Variants in OSBPL10 observed in about 807,000 individuals in gnomAD.
The protein encoded by OSBPL10 is oxysterol-binding protein-related protein 10.
Under a neutral mutation model 81.7 loss-of-function variants are expected in OSBPL10, and 49 were observed. The observed-to-expected ratio is 0.60, with a 90% CI of 0.48 to 0.76. The LOEUF is 0.76. Among genes scored for constraint, OSBPL10 ranks in the 30% least tolerant of loss-of-function variants. The pLI, the probability that OSBPL10 is intolerant of heterozygous loss-of-function variation, is 0.00. For missense variants in OSBPL10, 923 were observed against 987.8 expected (o/e 0.93, Z 0.88); for synonymous variants, 419 against 383.6 (o/e 1.09, Z -1.08).
chr3:31,894,790 T>A (rs1029843417), intron 1 of OSBPL10, among the ~76,000 whole-genome samples: 1 of 152,156 alleles, frequency 6.6e-6, no homozygotes, highest in African/African-American at 2.4e-5. Context: ...AATACCTATT[T>A]CCCTTCTCTC....
At chr3:31,699,314 C>T (rs548201393) in intron 7 of OSBPL10, among the ~76,000 whole-genome samples, 3 of 152,318 alleles carry the variant, frequency 2.0e-5, no homozygotes, top group South Asian at 4.1e-4. Context: ...CTGATCCTAA[C>T]GTCCACTCCA....
intron 2 of OSBPL10, among the ~76,000 whole-genome samples, chr3:32,027,156 T>C (rs1699423282): frequency 6.6e-6 from 1 of 152,180 alleles, no homozygotes; most frequent in Non-Finnish European, 1.5e-5. Context: ...ATTAGGTATT[T>C]GCCCTAATGC....
intron 1 of OSBPL10, among the ~76,000 whole-genome samples, chr3:31,973,807 T>C (rs1248176627): frequency 6.6e-6 from 1 of 152,240 alleles, no homozygotes; most frequent in African/African-American, 2.4e-5. Context: ...ATAGGATGGA[T>C]ACACGAGCAA....
chr3:32,039,920 T>C (rs1699555898), intron 2 of OSBPL10, among the ~76,000 whole-genome samples: 2 of 152,066 alleles, frequency 1.3e-5, no homozygotes, highest in South Asian at 4.2e-4. Flanking sequence ...GGTGTGAAAA[T>C]CCTAAATAAA....
Position 31,683,574 on chromosome 3 carries a change from C to A in OSBPL10, c.1726+60G>T, listed in dbSNP as rs1272432310. On this transcript the variant is annotated intron_variant, in intron 8 of 11. Transcript: ENST00000396556. ...CTCCACACACAAAATTATCAATCAT[C>A]TACCAGGTATAGAAACGTCACTGTG... 5 of 1,549,886 alleles carry A rather than the reference C, an allele frequency of 3.2e-6. No homozygotes were observed. The Admixed American group carries it at 9.5e-5, about 29-fold the overall frequency.
intron 2 of OSBPL10, among the ~76,000 whole-genome samples, chr3:32,025,477 T>C (rs1022947690): frequency 6.6e-6 from 1 of 152,200 alleles, no homozygotes; most frequent in Non-Finnish European, 1.5e-5. Flanking sequence ...TCTCTTCTCA[T>C]GTCATCTTTG....
intron 1 of OSBPL10, among the ~76,000 whole-genome samples, chr3:31,941,885 G>T (rs1027174324): frequency 5.3e-5 from 8 of 152,216 alleles, no homozygotes; most frequent in Admixed American, 2.0e-4. Flanking sequence ...AGTGCTATCT[G>T]ATTTGCCAGA....
At chr3:31,821,862 G>A (rs1699988428) in intron 4 of OSBPL10, among the ~76,000 whole-genome samples, 1 of 152,166 alleles carries the variant, frequency 6.6e-6, no homozygotes, top group African/African-American at 2.4e-5. Flanking sequence ...ATTTGTTAGG[G>A]TGACAGTTTA....
In OSBPL10 at chr3:32,008,764, A is replaced by G. The variant is rs1423421259; in HGVS notation, n.298+37727T>C. ...GACAGAGTGAGATCCTGACTGGAAA[A>G]AAAAAAAAAAAAAGAAGAACAAAAA... On this transcript the variant is annotated intron_variant and non_coding_transcript_variant, in intron 2 of 3. Coordinates refer to the OSBPL10 transcript ENST00000479173. 2.3e-4 allele frequency among the ~76,000 whole-genome samples: 35 copies of G among 151,182 alleles called. No homozygotes were observed. The South Asian group carries it at 7.1e-3, about 31-fold the overall frequency.
intron 1 of OSBPL10, among the ~76,000 whole-genome samples, chr3:31,943,777 C>G (rs889252443): frequency 6.6e-6 from 1 of 151,756 alleles, no homozygotes; most frequent in South Asian, 2.1e-4. Context: ...ACCAGCCTGG[C>G]CAATAGGGTG....
At position 31,918,329 on chromosome 3, in the gene OSBPL10, CT is replaced by C. The variant is rs67029884; in HGVS notation, c.282-38500del. Among the ~76,000 whole-genome samples, 1,025 of 148,276 alleles carry C rather than the reference CT, an allele frequency of 6.9e-3. 10 individuals carry two copies. Among genetic ancestry groups the C allele is most frequent in the African/African-American group, 0.016 (645 of 40,518 alleles). On this transcript the variant is annotated intron_variant, in intron 1 of 11. Transcript: ENST00000396556. ...ACACACTGGAGTTGTTTTTTCTTTT[CT>C]TTTTTTTTTTTTTAAAGAGACAGGG...
chr3:31,673,869 C>T (rs1700388133), intron 8 of OSBPL10, among the ~76,000 whole-genome samples: 1 of 152,042 alleles, frequency 6.6e-6, no homozygotes, highest in South Asian at 2.1e-4. Context: ...TCATGGCTCA[C>T]TGCAGCCTTG....
rs112468280 is a variant in OSBPL10 at position 31,761,471 on chromosome 3, CAAAAAAA to C, written c.730-13358_730-13352del. Among the ~76,000 whole-genome samples the C allele has an allele frequency of 2.9e-3, 164 of 56,050 alleles. 1 individual carries two copies. Among genetic ancestry groups the C allele is most frequent in the African/African-American group, 0.011 (158 of 15,008 alleles). The allele number at this position is 56,050 out of a possible 152,430, so 36.8% of individuals were successfully genotyped here. A position where few individuals can be genotyped will look rare whatever the true frequency, so the allele number is the denominator to read the frequency against. Reference sequence around the variant, plus strand: ...TGGGCAACAGAGTGAGACTCCATTTCAAAAAAAAAAAAAAAAAAGTTTCCATATCCAG... The same window carrying C: ...TGGGCAACAGAGTGAGACTCCATTTCAAAAAAAAAAAGTTTCCATATCCAG... On this transcript the variant is annotated intron_variant, in intron 4 of 11. Transcript: ENST00000396556.
intron 4 of OSBPL10, among the ~76,000 whole-genome samples, chr3:31,819,158 A>T (rs1197677311): frequency 6.6e-6 from 1 of 152,152 alleles, no homozygotes; most frequent in Non-Finnish European, 1.5e-5. Context: ...AAGGGGTAGG[A>T]TGGACAGGAG....
At chr3:31,796,652 G>A (rs1300946156) in intron 4 of OSBPL10, among the ~76,000 whole-genome samples, 4 of 152,132 alleles carry the variant, frequency 2.6e-5, no homozygotes, top group Non-Finnish European at 5.9e-5. Flanking sequence ...TGTGTTTCAG[G>A]CTATTTTAGC....
chr3:31,824,659 T>C (rs1266696986), intron 4 of OSBPL10, among the ~76,000 whole-genome samples: 1 of 152,142 alleles, frequency 6.6e-6, no homozygotes, highest in African/African-American at 2.4e-5. Flanking sequence ...TGAGTGATCA[T>C]ACATCTGTGC....
chr3:31,823,542 T>G (rs1700029856), intron 4 of OSBPL10, among the ~76,000 whole-genome samples: 1 of 152,152 alleles, frequency 6.6e-6, no homozygotes, highest in African/African-American at 2.4e-5. Flanking sequence ...TAGGCGAATT[T>G]AAAAGGTAGA....
At chr3:31,958,495 G>A (rs538571803) in intron 1 of OSBPL10, among the ~76,000 whole-genome samples, 5 of 152,244 alleles carry the variant, frequency 3.3e-5, no homozygotes, top group East Asian at 1.9e-4. Context: ...TACATATGCA[G>A]GAGGACAAGA....
At chr3:31,760,625 A>G (rs1388513235) in intron 4 of OSBPL10, among the ~76,000 whole-genome samples, 1 of 152,212 alleles carries the variant, frequency 6.6e-6, no homozygotes, top group African/African-American at 2.4e-5. Context: ...TTCAATCCTT[A>G]GTTGGTTGAA....
Sources: allele counts gnomAD v4.1 joint callset (sites outside exome capture counted in the v4.1 genomes callset), GRCh38; gene constraint gnomAD v4.1.1; transcripts MANE v1.5; gene names NCBI Gene and HGNC (gene_info 2026-07-23, HGNC 2026-07-21).